Variants in MAGI1 observed in about 807,000 individuals in gnomAD.
MAGI1 encodes the protein membrane-associated guanylate kinase, WW and PDZ domain-containing protein 1.
MAGI1 carries 58 observed loss-of-function variants against 139.9 expected under a neutral mutation model. The ratio of observed to expected loss-of-function variants is 0.41; its 90% CI spans 0.34 to 0.52. MAGI1 has a LOEUF of 0.52. Among genes scored for constraint, MAGI1 ranks in the 20% least tolerant of loss-of-function variants. The pLI, the probability that MAGI1 is intolerant of heterozygous loss-of-function variation, is 0.12. For synonymous variants in MAGI1, 812 were observed against 737.9 expected (o/e 1.10, Z -1.63); for missense variants, 1,874 against 1,901.6 (o/e 0.99, Z 0.27).
In MAGI1 at chr3:65,547,939, T is replaced by C. The variant is rs541465224; in HGVS notation, c.431-54308A>G. Among the ~76,000 whole-genome samples, 37 of 152,288 alleles carry C rather than the reference T, an allele frequency of 2.4e-4. 1 individual carries two copies. The highest frequency in any genetic ancestry group is 5.9e-4 in the Admixed American group (9 of 15,302). ...TCAACTATGAAGTTCATTGGGAGCT[T>C]AGAACAATGAAGAAAAGTTAAGAAC... is the stretch of plus-strand genomic sequence containing the variant. On this transcript the variant is annotated intron_variant, in intron 2 of 22. Transcript: ENST00000402939.
At chr3:65,499,245 C>T (rs1211941770) in intron 2 of MAGI1, among the ~76,000 whole-genome samples, 1 of 151,988 alleles carries the variant, frequency 6.6e-6, no homozygotes, top group African/African-American at 2.4e-5. Context: ...CAAAAGCAGC[C>T]CTCCAAGACA....
chr3:66,007,175 C>T (rs980695141), intron 1 of MAGI1, among the ~76,000 whole-genome samples: 4 of 152,052 alleles, frequency 2.6e-5, no homozygotes, highest in Non-Finnish European at 2.9e-5. Flanking sequence ...GTCTATTAAG[C>T]TTGACTACAC....
chr3:65,599,246 G>A (rs1391968832), intron 2 of MAGI1, among the ~76,000 whole-genome samples: 1 of 152,180 alleles, frequency 6.6e-6, no homozygotes, highest in African/African-American at 2.4e-5. Flanking sequence ...CAGGCTTTAC[G>A]GGTGCGGGAG....
chr3:65,582,668 A>G (rs1190697889), intron 2 of MAGI1, among the ~76,000 whole-genome samples: 1 of 152,136 alleles, frequency 6.6e-6, no homozygotes, highest in African/African-American at 2.4e-5. Flanking sequence ...CATCCTGGTT[A>G]CTTCAATTCT....
At chr3:66,024,738 G>A (rs766003949) in intron 1 of MAGI1, among the ~76,000 whole-genome samples, 6 of 152,178 alleles carry the variant, frequency 3.9e-5, no homozygotes, top group South Asian at 2.1e-4. Context: ...CCCAGGAGGC[G>A]GAGGTTGCAG....
chr3:65,982,819 A>G (rs1485223501), intron 1 of MAGI1, among the ~76,000 whole-genome samples: 1 of 152,214 alleles, frequency 6.6e-6, no homozygotes, highest in Admixed American at 6.5e-5. Context: ...CCCAGGTACT[A>G]AAAGCTCTCA....
At chr3:66,003,990 A>G (rs947154171) in intron 1 of MAGI1, 4 of 152,166 alleles carry the variant, frequency 2.6e-5, no homozygotes, top group African/African-American at 7.2e-5. Context: ...GGACATCACA[A>G]TAATCTACTC....
chr3:65,554,001 G>A lies in MAGI1; in HGVS notation c.431-60370C>T, dbSNP rs2079972409. 2.0e-5 allele frequency among the ~76,000 whole-genome samples: 3 copies of A among 152,308 alleles called. No homozygotes were observed. The South Asian group carries it at 6.2e-4, about 32-fold the overall frequency. ...ACCCTTTTCTTCGTTATTGCTCTAAGCAATGAGCTTTTTTAGATTTTTTTC... is the reference window on the plus strand; with the variant it reads ...ACCCTTTTCTTCGTTATTGCTCTAAACAATGAGCTTTTTTAGATTTTTTTC... On this transcript the variant is annotated intron_variant, in intron 2 of 22. Coordinates refer to ENST00000402939, the MANE Select transcript of MAGI1 (RefSeq NM_001033057.2).
chr3:65,722,507 C>T (rs2033151843), intron 1 of MAGI1, among the ~76,000 whole-genome samples: 1 of 151,928 alleles, frequency 6.6e-6, no homozygotes, highest in African/African-American at 2.4e-5. Context: ...GTGGCATGTA[C>T]CTGTAGTCCC....
chr3:65,957,767 T>C (rs2064208278), intron 1 of MAGI1, among the ~76,000 whole-genome samples: 1 of 151,972 alleles, frequency 6.6e-6, no homozygotes, highest in Non-Finnish European at 1.5e-5. Context: ...TTGTTGTTGT[T>C]GTTGTTTTGT....
chr3:65,691,692 G>C (rs1376316494), intron 1 of MAGI1, among the ~76,000 whole-genome samples: 1 of 152,072 alleles, frequency 6.6e-6, no homozygotes, highest in Non-Finnish European at 1.5e-5. Flanking sequence ...AAATCTAACA[G>C]AATTTAAATC....
intron 1 of MAGI1, among the ~76,000 whole-genome samples, chr3:65,673,044 T>C (rs1434025915): frequency 6.6e-6 from 1 of 152,104 alleles, no homozygotes; most frequent in African/African-American, 2.4e-5. Flanking sequence ...CAAAAGGGCA[T>C]CACATAAATG....
chr3:65,589,377 T>C (rs1243567367), intron 2 of MAGI1, among the ~76,000 whole-genome samples: 1 of 152,156 alleles, frequency 6.6e-6, no homozygotes, highest in Non-Finnish European at 1.5e-5. Context: ...CTTTCCCGTC[T>C]ACTAAGTCAC....
At chr3:65,687,896 G>A in intron 1 of MAGI1, 1 of 649,442 alleles carries the variant, frequency 1.5e-6, no homozygotes, top group Non-Finnish European at 3.0e-6. Flanking sequence ...TCAAGGTATT[G>A]CAGGGTGCCT....
chr3:65,430,210 T>G, intron 11 of MAGI1, 70 bp from the exon 12 acceptor site: 2 of 1,484,518 alleles, frequency 1.3e-6, no homozygotes, highest in Non-Finnish European at 9.3e-7. Context: ...TTATAATATC[T>G]CCCACTAACA....
At chr3:65,474,335 A>C (rs1950733499) in intron 4 of MAGI1, among the ~76,000 whole-genome samples, 1 of 152,184 alleles carries the variant, frequency 6.6e-6, no homozygotes, top group Admixed American at 6.5e-5. Context: ...TTCTTACTAA[A>C]GGTTACCAGT....
At chr3:65,557,840 G>C (rs2080158553) in intron 2 of MAGI1, among the ~76,000 whole-genome samples, 2 of 152,250 alleles carry the variant, frequency 1.3e-5, no homozygotes, top group Admixed American at 6.5e-5. Flanking sequence ...TGATAAATTT[G>C]CTTTTGGTAG....
chr3:65,439,316 T>C (rs1948072833), intron 9 of MAGI1, among the ~76,000 whole-genome samples: 1 of 152,168 alleles, frequency 6.6e-6, no homozygotes, highest in African/African-American at 2.4e-5. Flanking sequence ...CGTATATCTA[T>C]ATCCCTAGAA....
At chr3:65,374,938 A>T (rs748225830) in intron 18 of MAGI1, among the ~76,000 whole-genome samples, 4 of 152,218 alleles carry the variant, frequency 2.6e-5, no homozygotes, top group Non-Finnish European at 5.9e-5. Flanking sequence ...ATTAGGGAAA[A>T]TCCAGTAGAC....
Sources: allele counts gnomAD v4.1 joint callset (sites outside exome capture counted in the v4.1 genomes callset), GRCh38; gene constraint gnomAD v4.1.1; transcripts MANE v1.5; gene names NCBI Gene and HGNC (gene_info 2026-07-23, HGNC 2026-07-21).